OPHN1: variants seen among roughly 807,000 people sequenced by gnomAD.
OPHN1 encodes the protein oligophrenin-1.
Under a neutral mutation model 60.7 loss-of-function variants are expected in OPHN1, and 11 were observed. That is an observed-to-expected ratio of 0.18 (90% CI 0.11 to 0.30). The LOEUF (loss-of-function observed/expected upper bound fraction) is 0.30, where lower values mean the gene tolerates loss of function less well. Among genes scored for constraint, OPHN1 ranks in the 10% least tolerant of loss-of-function variants. The probability of loss-of-function intolerance (pLI) is 1.00; values close to 1 mark genes in which losing one functional copy is unlikely to be tolerated. For synonymous variants in OPHN1, 226 were observed against 222.6 expected (o/e 1.02, Z -0.14); for missense variants, 449 against 611.0 (o/e 0.73, Z 2.80).
At chrX:68,401,209 A>T (rs1481740550) in intron 2 of OPHN1, among the ~76,000 whole-genome samples, 1 of 111,920 alleles carries the variant, frequency 8.9e-6, no homozygotes, top group Non-Finnish European at 1.9e-5. Flanking sequence ...TCCCTCTCCA[A>T]AGAAGGAAGG....
At chrX:68,205,540 C>T (rs760544053) in intron 10 of OPHN1, among the ~76,000 whole-genome samples, 1 of 111,698 alleles carries the variant, frequency 9.0e-6, no homozygotes, top group African/African-American at 3.3e-5. Context: ...AAGTCCATCC[C>T]ATCACCAAAG....
chrX:68,217,464 T>C (rs374930623), intron 6 of OPHN1, among the ~76,000 whole-genome samples: 3 of 111,898 alleles, frequency 2.7e-5, no homozygotes, highest in African/African-American at 9.7e-5. Context: ...GTAGGCTTCA[T>C]CTCTGGGGGC....
intron 15 of OPHN1, among the ~76,000 whole-genome samples, chrX:68,175,457 GA>G (rs775718874): frequency 6.5e-5 from 7 of 108,229 alleles, no homozygotes; most frequent in South Asian, 4.0e-4. Flanking sequence ...TTCGAAAAAG[GA>G]AAAAAAAATC....
At chrX:68,200,194 G>C (rs146602307) in intron 11 of OPHN1, among the ~76,000 whole-genome samples, 1 of 111,655 alleles carries the variant, frequency 9.0e-6, no homozygotes, top group African/African-American at 3.3e-5. Flanking sequence ...AATGGGGGGG[G>C]TGTAGATTAA....
At chrX:68,302,686 G>A in intron 2 of OPHN1, among the ~76,000 whole-genome samples, 1 of 111,716 alleles carries the variant, frequency 9.0e-6, no homozygotes, top group Middle Eastern at 4.6e-3. Flanking sequence ...GGGAGGCCAA[G>A]GAAGGAGGAT....
At chrX:68,284,967 C>T (rs1003778007) in intron 3 of OPHN1, among the ~76,000 whole-genome samples, 2 of 112,004 alleles carry the variant, frequency 1.8e-5, no homozygotes, top group East Asian at 2.8e-4. Flanking sequence ...TGGACCTCTG[C>T]GTTTTGAACC....
intron 6 of OPHN1, among the ~76,000 whole-genome samples, chrX:68,226,561 G>A (rs905167174): frequency 8.9e-6 from 1 of 111,964 alleles, no homozygotes; most frequent in African/African-American, 3.2e-5. Context: ...CCAGAAGAGA[G>A]TAGGGGCCAA....
At chrX:68,219,629 C>T (rs2077640708) in intron 6 of OPHN1, among the ~76,000 whole-genome samples, 1 of 111,537 alleles carries the variant, frequency 9.0e-6, no homozygotes. Context: ...ACGAATCTCA[C>T]TCAAAACCAC....
At chrX:68,169,561 T>C (rs2077378616) in intron 15 of OPHN1, among the ~76,000 whole-genome samples, 1 of 108,040 alleles carries the variant, frequency 9.3e-6, no homozygotes, top group African/African-American at 3.5e-5. Context: ...CAAAACAGCA[T>C]GGTACTGGTA....
intron 15 of OPHN1, among the ~76,000 whole-genome samples, chrX:68,178,924 G>A (rs755246210): frequency 5.4e-5 from 6 of 111,347 alleles, no homozygotes; most frequent in Non-Finnish European, 1.1e-4. Context: ...ATTTTTCATC[G>A]TGACTGCATT....
At chrX:68,133,014 C>A in intron 15 of OPHN1, 1 of 482,822 alleles carries the variant, frequency 2.1e-6, no homozygotes, top group Non-Finnish European at 3.7e-6. Context: ...CCGCTTCAGA[C>A]GCAGACCCTA....
chrX:68,408,748 G>A (rs762611049), intron 2 of OPHN1, among the ~76,000 whole-genome samples: 1 of 112,815 alleles, frequency 8.9e-6, no homozygotes, highest in East Asian at 2.8e-4. Flanking sequence ...GATCACTTGA[G>A]GCAAGGAATT....
intron 6 of OPHN1, among the ~76,000 whole-genome samples, chrX:68,215,324 C>G: frequency 9.0e-6 from 1 of 111,060 alleles, no homozygotes; most frequent in South Asian, 3.8e-4. Context: ...TATTCAGGAA[C>G]TGGTGAACAA....
At chrX:68,225,026 T>C (rs948233690) in intron 6 of OPHN1, among the ~76,000 whole-genome samples, 1 of 112,238 alleles carries the variant, frequency 8.9e-6, no homozygotes, top group African/African-American at 3.2e-5. Flanking sequence ...CCCACCCTAA[T>C]ACTGCGCTTT....
chrX:68,212,836 A>G (rs1242989940), intron 7 of OPHN1, among the ~76,000 whole-genome samples: 1 of 112,384 alleles, frequency 8.9e-6, no homozygotes, highest in African/African-American at 3.2e-5. Context: ...TTTCCTCTAT[A>G]TATCCTCAGC....
At chrX:68,361,718 T>C (rs1362376534) in intron 2 of OPHN1, among the ~76,000 whole-genome samples, 1 of 111,212 alleles carries the variant, frequency 9.0e-6, no homozygotes, top group Non-Finnish European at 1.9e-5. Context: ...GATGCTGCAA[T>C]GAACACAGGA....
chrX:68,168,973 A>G (rs1005388522), intron 15 of OPHN1, among the ~76,000 whole-genome samples: 3 of 111,621 alleles, frequency 2.7e-5, no homozygotes, highest in Admixed American at 1.9e-4. Context: ...GACTCTCTGA[A>G]TAGACCAATA....
chrX:68,188,837 T>C (rs1027852981), intron 15 of OPHN1, among the ~76,000 whole-genome samples: 2 of 112,125 alleles, frequency 1.8e-5, no homozygotes, highest in Non-Finnish European at 3.8e-5. Context: ...GCTGAATAAT[T>C]CACATTAATT....
chrX:68,283,613 C>T (rs1913444571), intron 3 of OPHN1, among the ~76,000 whole-genome samples: 1 of 111,616 alleles, frequency 9.0e-6, no homozygotes, highest in South Asian at 3.7e-4. Flanking sequence ...CCAATTGTGC[C>T]ACTTACTGGC....
Sources: gnomAD v4.1 joint callset for allele counts (sites outside exome capture counted in the v4.1 genomes callset) on GRCh38, gnomAD v4.1.1 for gene constraint, MANE v1.5 for transcripts, NCBI Gene and HGNC (gene_info 2026-07-23, HGNC 2026-07-21) for gene names.